Variants in SLC4A1AP observed in about 807,000 individuals in gnomAD.
The protein encoded by SLC4A1AP is kanadaptin.
SLC4A1AP carries 64 observed loss-of-function variants against 89.7 expected under a neutral mutation model. That is an observed-to-expected ratio of 0.71 (90% CI 0.58 to 0.88). The LOEUF is 0.88. Among genes scored for constraint, SLC4A1AP ranks in the 40% least tolerant of loss-of-function variants. SLC4A1AP has a pLI of 0.00. For missense variants in SLC4A1AP, 931 were observed against 965.0 expected (o/e 0.96, Z 0.47); for synonymous variants, 366 against 353.3 (o/e 1.04, Z -0.40).
chr2:27,667,375 T>A (rs950429304), exon 3 of SLC4A1AP: 1 of 1,610,718 alleles, frequency 6.2e-7, no homozygotes, highest in African/African-American at 1.3e-5. Flanking sequence ...TCTCCAAGGC[T>A]TTTTTGACCG....
intron 5 of SLC4A1AP, among the ~76,000 whole-genome samples, chr2:27,670,884 T>A (rs868733298): frequency 8.2e-5 from 12 of 145,744 alleles, no homozygotes; most frequent in South Asian, 2.2e-4. Flanking sequence ...TAATTAAATT[T>A]AAAAAAAAAC....
At chr2:27,678,433 C>T (rs530730944) in intron 8 of SLC4A1AP, among the ~76,000 whole-genome samples, 14 of 151,752 alleles carry the variant, frequency 9.2e-5, no homozygotes, top group Admixed American at 5.3e-4. Flanking sequence ...CTTGGGAAGC[C>T]GAGGTAGGAG....
chr2:27,667,262 C>T lies in SLC4A1AP; in HGVS notation c.1022-6C>T, dbSNP rs1206833081. On this transcript the variant is annotated splice_region_variant and splice_polypyrimidine_tract_variant and intron_variant, in intron 2 of 13. Transcript: ENST00000613058. ...TTATCTTTTCTTTCTTTTCCATATC[C>T]TGTAGGAGAAGATGCAGTAGAGGAT... 3.1e-6 allele frequency: 5 copies of T among 1,605,446 alleles called. 1 individual carries two copies. The highest frequency in any genetic ancestry group is 3.4e-5 in the Admixed American group (2 of 58,196).
At chr2:27,672,435 T>C (rs962140875) in intron 5 of SLC4A1AP, among the ~76,000 whole-genome samples, 2 of 152,170 alleles carry the variant, frequency 1.3e-5, no homozygotes, top group African/African-American at 4.8e-5. Context: ...CAGGCAGTCT[T>C]TCATGCCAGA....
intron 8 of SLC4A1AP, among the ~76,000 whole-genome samples, chr2:27,680,346 T>G (rs1365152196): frequency 6.6e-6 from 1 of 152,216 alleles, no homozygotes; most frequent in Non-Finnish European, 1.5e-5. Flanking sequence ...TCAGATATAC[T>G]GAATTTGAAA....
rs567337533 is a variant in SLC4A1AP, at chr2:27,675,792, TAGC to T, written c.1506+102_1506+104del. ...TGTTTTATGATAATTTTTAAAGTAG[TAGC>T]ATTGAAATCTGATACTGAAGTATAA... On this transcript the variant is annotated intron_variant, in intron 6 of 13. Transcript: ENST00000613058. The T allele has an allele frequency of 2.0e-3, 1,593 of 807,850 alleles. 28 individuals are homozygous for T. Among genetic ancestry groups the T allele is most frequent in the Non-Finnish European group, 1.7e-4 (99 of 579,544 alleles). 50.0% of individuals were successfully genotyped at this position (807,850 alleles called of 1,614,324 possible).
At chr2:27,676,338 G>T (rs1675521903) in intron 6 of SLC4A1AP, among the ~76,000 whole-genome samples, 2 of 152,178 alleles carry the variant, frequency 1.3e-5, no homozygotes, top group Non-Finnish European at 1.5e-5. Context: ...CAAGGAATTT[G>T]TTACAGGTAT....
chr2:27,673,322 CTCTT>C (rs1558506609), intron 5 of SLC4A1AP, among the ~76,000 whole-genome samples: 4 of 4,144 alleles, frequency 9.7e-4, no homozygotes, highest in South Asian at 0.042. Flanking sequence ...CTCTCTCTCT[CTCTT>C]TCTTTTCTTT....
chr2:27,664,130 T>C, exon 1 of SLC4A1AP: 1 of 1,614,064 alleles, frequency 6.2e-7, no homozygotes, highest in Non-Finnish European at 8.5e-7. Context: ...CGGACTGCGG[T>C]GATTTTAGGA....
At chr2:27,665,005 T>C (rs1051032898) in intron 1 of SLC4A1AP, 95 bp from the exon 2 acceptor site, 2 of 886,180 alleles carry the variant, frequency 2.3e-6, no homozygotes, top group Non-Finnish European at 3.5e-6. Context: ...TGCAGTGAGG[T>C]GTATTACAGC....
chr2:27,680,786 AAACAACAAC>A (rs34406797), intron 8 of SLC4A1AP, among the ~76,000 whole-genome samples: 8,923 of 147,428 alleles, frequency 0.061, 747 homozygotes, highest in African/African-American at 0.19. Flanking sequence ...CTGCTTTGGA[AAACAACAAC>A]AACAACAACA....
intron 5 of SLC4A1AP, 61 bp downstream of exon 5, chr2:27,669,448 T>G: frequency 7.1e-7 from 1 of 1,408,056 alleles, no homozygotes; most frequent in Non-Finnish European, 9.5e-7. Context: ...ACACAAACGC[T>G]AATAAAACTT....
exon 5 of SLC4A1AP, chr2:27,669,263 T>G (rs1428471780): frequency 1.2e-6 from 2 of 1,611,518 alleles, no homozygotes; most frequent in Non-Finnish European, 1.7e-6. Flanking sequence ...CTGTGGACGA[T>G]TCAACTGGAA....
intron 2 of SLC4A1AP, among the ~76,000 whole-genome samples, chr2:27,666,872 T>TA (rs1491490608): frequency 1.6e-3 from 42 of 26,778 alleles, no homozygotes; most frequent in African/African-American, 7.6e-3. Flanking sequence ...TATATATATA[T>TA]TTTTTTTTTT....
chr2:27,690,577 C>T (rs189995941), intron 12 of SLC4A1AP, among the ~76,000 whole-genome samples: 66 of 152,266 alleles, frequency 4.3e-4, no homozygotes, highest in African/African-American at 1.6e-3. Flanking sequence ...GCTTCAATCT[C>T]TTGGGCTCAA....
At chr2:27,671,095 G>A (rs1675421961) in intron 5 of SLC4A1AP, among the ~76,000 whole-genome samples, 1 of 151,418 alleles carries the variant, frequency 6.6e-6, no homozygotes, top group African/African-American at 2.4e-5. Context: ...GCTAATTTTT[G>A]TATTTTTAGT....
chr2:27,668,981 C>A (rs1675378716), intron 4 of SLC4A1AP, 78 bp downstream of exon 4: 1 of 1,349,444 alleles, frequency 7.4e-7, no homozygotes, highest in Non-Finnish European at 1.0e-6. Context: ...AGATAACAAC[C>A]CAAAGAGTAA....
At chr2:27,689,341 C>T (rs1034686920) in intron 12 of SLC4A1AP, among the ~76,000 whole-genome samples, 1 of 152,064 alleles carries the variant, frequency 6.6e-6, no homozygotes, top group Non-Finnish European at 1.5e-5. Context: ...CAGGAGGTCC[C>T]CAAGACCACT....
At chr2:27,668,196 T>A (rs1356290418) in intron 3 of SLC4A1AP, among the ~76,000 whole-genome samples, 1 of 151,850 alleles carries the variant, frequency 6.6e-6, no homozygotes, top group Non-Finnish European at 1.5e-5. Context: ...TTGCCCAGGC[T>A]GGAGTGCAGT....
Sources: gnomAD v4.1 joint callset for allele counts (sites outside exome capture counted in the v4.1 genomes callset) on GRCh38, gnomAD v4.1.1 for gene constraint, MANE v1.5 for transcripts, NCBI Gene and HGNC (gene_info 2026-07-23, HGNC 2026-07-21) for gene names.